Variants in MAP3K1 observed in about 807,000 individuals in gnomAD.
The protein encoded by MAP3K1 is mitogen-activated protein kinase kinase kinase 1, also known as MAP/ERK kinase kinase 1.
MAP3K1 carries 36 observed loss-of-function variants against 144.2 expected under a neutral mutation model. The observed-to-expected ratio is 0.25, with a 90% CI of 0.19 to 0.33. The LOEUF (loss-of-function observed/expected upper bound fraction) is 0.33, where lower values mean the gene tolerates loss of function less well. Among genes scored for constraint, MAP3K1 ranks in the 10% least tolerant of loss-of-function variants. The probability of loss-of-function intolerance (pLI) is 1.00; values close to 1 mark genes in which losing one functional copy is unlikely to be tolerated. For missense variants in MAP3K1, 1,650 were observed against 1,881.9 expected, an observed-to-expected ratio of 0.88 and a Z score of 2.28; for synonymous variants, 718 against 688.7, an observed-to-expected ratio of 1.04 and a Z score of -0.67.
At chr5:56,890,104 T>C (rs1748504711) in intron 19 of MAP3K1, among the ~76,000 whole-genome samples, 1 of 152,198 alleles carries the variant, frequency 6.6e-6, no homozygotes, top group African/African-American at 2.4e-5. Flanking sequence ...CTTTGTTTCT[T>C]GTTTGCTAGT....
chr5:56,855,857 A>G (rs372862131), intron 1 of MAP3K1, among the ~76,000 whole-genome samples: 9 of 152,308 alleles, frequency 5.9e-5, no homozygotes, highest in African/African-American at 9.6e-5. Context: ...AAATCTATGC[A>G]TATCGTGTAT....
chr5:56,820,864 A>G, intron 1 of MAP3K1: 4 of 867,988 alleles, frequency 4.6e-6, no homozygotes, highest in Non-Finnish European at 5.5e-6. Flanking sequence ...TAAGTGCTAT[A>G]AGAGAGATGG....
At chr5:56,878,043 A>G (rs527911226) in intron 10 of MAP3K1, among the ~76,000 whole-genome samples, 1 of 152,202 alleles carries the variant, frequency 6.6e-6, no homozygotes, top group Non-Finnish European at 1.5e-5. Flanking sequence ...CAGTGGGTAC[A>G]TATGCCCATG....
At position 56,893,916 on chromosome 5, in the gene MAP3K1, C is replaced by G. The variant is rs1049557424; in HGVS notation, c.*236C>G. Reference sequence around the variant, plus strand: ...AAACTGTGCCTTTCAAAGAACTGGCCCTAGGTGAACAGGAAAACAATGAAG... The same window carrying G: ...AAACTGTGCCTTTCAAAGAACTGGCGCTAGGTGAACAGGAAAACAATGAAG... On this transcript the variant is annotated 3_prime_UTR_variant, in exon 20 of 20. Coordinates refer to ENST00000399503, the MANE Select transcript of MAP3K1 (RefSeq NM_005921.2). The G allele has an allele frequency of 3.6e-6, 2 of 548,436 alleles. No homozygotes were observed. The highest frequency in any genetic ancestry group is 3.1e-5 in the Admixed American group (1 of 32,240). The allele number at this position is 548,436 out of a possible 1,614,324, so 34.0% of individuals were successfully genotyped here.
At chr5:56,826,132 C>T (rs973879566) in intron 1 of MAP3K1, among the ~76,000 whole-genome samples, 1 of 152,044 alleles carries the variant, frequency 6.6e-6, no homozygotes, top group African/African-American at 2.4e-5. Context: ...TCTCGGCGTG[C>T]CCAATGCTCT....
At chr5:56,888,384 TTG>T in intron 19 of MAP3K1, 27 bp downstream of exon 19, 1 of 1,611,774 alleles carries the variant, frequency 6.2e-7, no homozygotes, top group Non-Finnish European at 8.5e-7. Flanking sequence ...AATTACTTCT[TTG>T]TGCTAAAAGG....
At chr5:56,891,962 G>A (rs1326670545) in intron 19 of MAP3K1, among the ~76,000 whole-genome samples, 1 of 152,148 alleles carries the variant, frequency 6.6e-6, no homozygotes, top group African/African-American at 2.4e-5. Flanking sequence ...TTGAAGTCAG[G>A]TAGCATGATG....
intron 3 of MAP3K1, among the ~76,000 whole-genome samples, chr5:56,861,884 A>G (rs1461811431): frequency 6.6e-6 from 1 of 152,126 alleles, no homozygotes; most frequent in African/African-American, 2.4e-5. Context: ...TGACCACAAG[A>G]GGAGTTTGGG....
At chr5:56,869,872 A>G (rs1747798539) in intron 6 of MAP3K1, among the ~76,000 whole-genome samples, 1 of 152,174 alleles carries the variant, frequency 6.6e-6, no homozygotes, top group South Asian at 2.1e-4. Context: ...TAGTCTTGAC[A>G]GTTTTTCCCC....
chr5:56,872,274 G>A (rs955193752), intron 7 of MAP3K1, among the ~76,000 whole-genome samples: 42 of 152,170 alleles, frequency 2.8e-4, no homozygotes, highest in Admixed American at 1.2e-3. Context: ...TGGAAGAAGT[G>A]CACAGAATTA....
At position 56,868,655 on chromosome 5, in the gene MAP3K1, A is replaced by G. The variant is rs764705944; in HGVS notation, c.1301+2678A>G. Reference sequence around the variant, plus strand: ...CGTCTCAGCCTCCCAAAGTGCTGGGATTACAGGCGTGAGCCACCGCGCCCG... The same window carrying G: ...CGTCTCAGCCTCCCAAAGTGCTGGGGTTACAGGCGTGAGCCACCGCGCCCG... On this transcript the variant is annotated intron_variant, in intron 6 of 19. Coordinates refer to ENST00000399503, the MANE Select transcript of MAP3K1 (RefSeq NM_005921.2). Among the ~76,000 whole-genome samples the G allele has an allele frequency of 5.6e-4, 86 of 152,310 alleles. 1 individual carries two copies. Among genetic ancestry groups the G allele is most frequent in the Middle Eastern group, 3.4e-3 (1 of 294 alleles).
At chr5:56,873,496 AG>A (rs1233010820) in intron 9 of MAP3K1, among the ~76,000 whole-genome samples, 1 of 152,198 alleles carries the variant, frequency 6.6e-6, no homozygotes, top group African/African-American at 2.4e-5. Context: ...TTTATTTGTA[AG>A]AACAGTTTCC....
intron 1 of MAP3K1, among the ~76,000 whole-genome samples, chr5:56,832,342 A>G (rs892959817): frequency 6.6e-6 from 1 of 152,230 alleles, no homozygotes; most frequent in African/African-American, 2.4e-5. Flanking sequence ...ACTTCAGTAC[A>G]GTGCTGGGTC....
chr5:56,874,427 G>A (rs1434419258), intron 9 of MAP3K1, among the ~76,000 whole-genome samples: 1 of 152,064 alleles, frequency 6.6e-6, no homozygotes, highest in Non-Finnish European at 1.5e-5. Flanking sequence ...TTGCTTACTC[G>A]AACACAAGCA....
At chr5:56,892,536 A>T (rs940806313) in intron 19 of MAP3K1, among the ~76,000 whole-genome samples, 2 of 152,260 alleles carry the variant, frequency 1.3e-5, no homozygotes, top group Non-Finnish European at 2.9e-5. Flanking sequence ...TTCAAAAGAC[A>T]AATTGTACCT....
intron 1 of MAP3K1, among the ~76,000 whole-genome samples, chr5:56,843,406 C>CAG (rs1420379781): frequency 6.6e-6 from 1 of 152,212 alleles, no homozygotes; most frequent in East Asian, 1.9e-4. Flanking sequence ...TCCCACTGTG[C>CAG]AGAGTTCCAG....
chr5:56,855,652 T>C (rs1445596103), intron 1 of MAP3K1, among the ~76,000 whole-genome samples: 1 of 152,240 alleles, frequency 6.6e-6, no homozygotes, highest in East Asian at 1.9e-4. Context: ...AGTTTGAATT[T>C]GTCTTTGTAG....
rs1378292244 is a variant in MAP3K1, at chr5:56,895,031, A to C, written c.*1351A>C. On this transcript the variant is annotated 3_prime_UTR_variant, in exon 20 of 20. Coordinates refer to ENST00000399503, the MANE Select transcript of MAP3K1 (RefSeq NM_005921.2). ...CAAGTACTGATTAACTATTAAGTAC[A>C]ACTTTGAGATTTTAGTTTTAACTCT... 4.3e-6 allele frequency: 1 copy of C among 231,682 alleles called. No homozygotes were observed. Among genetic ancestry groups the C allele is most frequent in the Non-Finnish European group, 8.5e-6 (1 of 117,164 alleles). The allele number at this position is 231,682 out of a possible 1,614,324, so 14.4% of individuals were successfully genotyped here. A position where few individuals can be genotyped will look rare whatever the true frequency, so the allele number is the denominator to read the frequency against.
At chr5:56,874,369 TGAC>T (rs1167060092) in intron 9 of MAP3K1, among the ~76,000 whole-genome samples, 2 of 152,206 alleles carry the variant, frequency 1.3e-5, no homozygotes, top group African/African-American at 2.4e-5. Flanking sequence ...GGCATGGTAT[TGAC>T]GACGATAACA....
Sources: allele counts gnomAD v4.1 joint callset (sites outside exome capture counted in the v4.1 genomes callset), GRCh38; gene constraint gnomAD v4.1.1; transcripts MANE v1.5; gene names NCBI Gene and HGNC (gene_info 2026-07-23, HGNC 2026-07-21).